CDH18: variants seen among roughly 807,000 people sequenced by gnomAD.
CDH18 encodes the protein cadherin-18.
CDH18 carries 31 observed loss-of-function variants against 67.9 expected under a neutral mutation model. The ratio of observed to expected loss-of-function variants is 0.46; its 90% CI spans 0.34 to 0.62. The LOEUF (loss-of-function observed/expected upper bound fraction) is 0.62. Among genes scored for constraint, CDH18 ranks in the 20% least tolerant of loss-of-function variants. The pLI is 0.01. For synonymous variants in CDH18, 362 were observed against 347.2 expected, an observed-to-expected ratio of 1.04 and a Z score of -0.48; for missense variants, 890 against 975.5, an observed-to-expected ratio of 0.91 and a Z score of 1.17.
chr5:20,494,873 G>A (rs1442030406), intron 1 of CDH18, among the ~76,000 whole-genome samples: 1 of 152,168 alleles, frequency 6.6e-6, no homozygotes, highest in Non-Finnish European at 1.5e-5. Flanking sequence ...ATGCTGACAT[G>A]CTATTTTAAT....
chr5:20,049,742 C>T lies in CDH18; in HGVS notation c.-517-57728G>A, dbSNP rs145545912. ...AACCATCCATAAAACTTAAATATGG[C>T]GACCAGAAAGGATAGAAATGTTGTC... On this transcript the variant is annotated intron_variant, in intron 2 of 14. Transcript: ENST00000507958. Among the ~76,000 whole-genome samples, 372 of 151,564 alleles carry T rather than the reference C, an allele frequency of 2.5e-3. 2 individuals are homozygous for T. The highest frequency in any genetic ancestry group is 8.3e-3 in the African/African-American group (344 of 41,412).
At chr5:19,869,848 C>T (rs989019199) in intron 2 of CDH18, among the ~76,000 whole-genome samples, 12 of 151,988 alleles carry the variant, frequency 7.9e-5, no homozygotes, top group Non-Finnish European at 1.5e-4. Flanking sequence ...TAAGGCAAAT[C>T]TCTGCCTACT....
intron 1 of CDH18, among the ~76,000 whole-genome samples, chr5:20,496,103 A>G (rs1046769153): frequency 2.0e-5 from 3 of 152,172 alleles, no homozygotes; most frequent in Admixed American, 2.0e-4. Flanking sequence ...GACTGTGATG[A>G]AATAGATAGG....
chr5:19,917,297 G>A (rs1245895180), intron 2 of CDH18, among the ~76,000 whole-genome samples: 4 of 151,818 alleles, frequency 2.6e-5, no homozygotes, highest in East Asian at 1.9e-4. Context: ...TGTTATTCTG[G>A]GCTTCCTTAC....
At chr5:20,063,421 G>C (rs1416331054) in intron 2 of CDH18, among the ~76,000 whole-genome samples, 1 of 151,934 alleles carries the variant, frequency 6.6e-6, no homozygotes, top group Non-Finnish European at 1.5e-5. Context: ...CACTGTGTAT[G>C]CATTATTTAT....
chr5:19,915,640 A>G (rs1791685095), intron 2 of CDH18, among the ~76,000 whole-genome samples: 1 of 152,158 alleles, frequency 6.6e-6, no homozygotes, highest in African/African-American at 2.4e-5. Context: ...CAAGGAAGAG[A>G]AAATTCATTT....
chr5:19,836,137 A>G (rs1781597939), intron 3 of CDH18, among the ~76,000 whole-genome samples: 1 of 152,154 alleles, frequency 6.6e-6, no homozygotes, highest in Non-Finnish European at 1.5e-5. Context: ...AGAAATATGC[A>G]TCATAAAATA....
chr5:20,561,613 C>G (rs1252529235), intron 1 of CDH18, among the ~76,000 whole-genome samples: 1 of 151,914 alleles, frequency 6.6e-6, no homozygotes, highest in Non-Finnish European at 1.5e-5. Flanking sequence ...ACGAATAGGT[C>G]AAGCATAGAA....
intron 1 of CDH18, among the ~76,000 whole-genome samples, chr5:20,572,101 A>G (rs1376077873): frequency 6.6e-6 from 1 of 152,266 alleles, no homozygotes; most frequent in East Asian, 1.9e-4. Context: ...TGTGTATGTA[A>G]TGATAACTTT....
intron 2 of CDH18, among the ~76,000 whole-genome samples, chr5:19,943,645 C>T (rs2150239314): frequency 6.6e-6 from 1 of 152,002 alleles, no homozygotes; most frequent in Middle Eastern, 3.4e-3. Flanking sequence ...TATCCTGAGT[C>T]TTTTAGAGAG....
chr5:20,569,786 C>A (rs1758706653), intron 1 of CDH18, among the ~76,000 whole-genome samples: 1 of 152,112 alleles, frequency 6.6e-6, no homozygotes, highest in Admixed American at 6.6e-5. Flanking sequence ...AGATGACCTT[C>A]AGTAGATGAA....
chr5:20,478,878 C>T (rs1752610690), intron 1 of CDH18, among the ~76,000 whole-genome samples: 1 of 152,204 alleles, frequency 6.6e-6, no homozygotes, highest in Non-Finnish European at 1.5e-5. Flanking sequence ...GGTGTCACCA[C>T]ACCCTCAGCC....
intron 2 of CDH18, among the ~76,000 whole-genome samples, chr5:19,903,736 G>GA (rs1163600554): frequency 6.7e-6 from 1 of 148,420 alleles, no homozygotes; most frequent in African/African-American, 2.5e-5. Context: ...TTGTCTCTGG[G>GA]AAAAAAATAA....
chr5:19,511,481 G>T (rs1745106763), intron 10 of CDH18, among the ~76,000 whole-genome samples: 1 of 152,128 alleles, frequency 6.6e-6, no homozygotes, highest in Admixed American at 6.5e-5. Context: ...ACTTTCTAGA[G>T]ACTCGTTGAA....
rs190472360 is a variant in CDH18, at chr5:19,780,471, G to T, written c.229-33235C>A. Reference sequence around the variant, plus strand: ...TACTGTCACTTTCTTCTACATTATTGTTCACAAAATATTTAAATATATCTG... The same window carrying T: ...TACTGTCACTTTCTTCTACATTATTTTTCACAAAATATTTAAATATATCTG... On this transcript the variant is annotated intron_variant, in intron 3 of 12. Coordinates refer to ENST00000382275, the MANE Select transcript of CDH18 (RefSeq NM_004934.5). 3.8e-3 allele frequency among the ~76,000 whole-genome samples: 581 copies of T among 151,638 alleles called. 6 individuals carry two copies. The highest frequency in any genetic ancestry group is 0.013 in the African/African-American group (556 of 41,328).
At chr5:19,823,045 T>A (rs1780041953) in intron 3 of CDH18, among the ~76,000 whole-genome samples, 1 of 152,186 alleles carries the variant, frequency 6.6e-6, no homozygotes, top group Admixed American at 6.5e-5. Context: ...CATTTGCTTT[T>A]CAAAGAAGAG....
At chr5:19,874,745 C>A (rs534731589) in intron 2 of CDH18, among the ~76,000 whole-genome samples, 4 of 152,150 alleles carry the variant, frequency 2.6e-5, no homozygotes, top group Non-Finnish European at 5.9e-5. Context: ...ACCTTGTCTG[C>A]TGCAACTCAT....
At chr5:20,154,843 G>C (rs1751399368) in intron 2 of CDH18, among the ~76,000 whole-genome samples, 1 of 152,114 alleles carries the variant, frequency 6.6e-6, no homozygotes, top group Non-Finnish European at 1.5e-5. Context: ...CCTGACTTCA[G>C]ACTATTTTAC....
chr5:20,379,010 GC>G (rs1412606225), intron 1 of CDH18, among the ~76,000 whole-genome samples: 1 of 152,070 alleles, frequency 6.6e-6, no homozygotes, highest in Admixed American at 6.6e-5. Flanking sequence ...CAATGGTTCA[GC>G]AAATGGGCAT....
Sources: gnomAD v4.1 joint callset for allele counts (sites outside exome capture counted in the v4.1 genomes callset) on GRCh38, gnomAD v4.1.1 for gene constraint, MANE v1.5 for transcripts, NCBI Gene and HGNC (gene_info 2026-07-23, HGNC 2026-07-21) for gene names.